MYPN: variants seen among roughly 807,000 people sequenced by gnomAD.
The protein encoded by MYPN is myopalladin.
A neutral mutation model predicts 129.4 loss-of-function variants in MYPN; 63 were observed. The observed-to-expected ratio is 0.49, with a 90% confidence interval of 0.40 to 0.60. The LOEUF is 0.60. Ranked by LOEUF, MYPN falls within the 20% of genes least tolerant of loss-of-function variation. The pLI is 0.00. For missense variants in MYPN, 1,596 were observed against 1,635.4 expected (o/e 0.98, Z 0.42); for synonymous variants, 629 against 600.9 (o/e 1.05, Z -0.68).
At chr10:68,195,365 G>C in intron 14 of MYPN, 85 bp from the exon 15 acceptor site, 5 of 1,229,750 alleles carry the variant, frequency 4.1e-6, no homozygotes, top group Non-Finnish European at 6.0e-6. Context: ...AAAATTTCAC[G>C]GTGTTCTGGT....
intron 10 of MYPN, among the ~76,000 whole-genome samples, chr10:68,173,848 T>TAGAGACGGGGTG (rs199579338): frequency 7.4e-6 from 1 of 135,318 alleles, no homozygotes; most frequent in African/African-American, 2.6e-5. Context: ...TTTTTTTTTG[T>TAGAGACGGGGTG]TAGAGACGGG....
chr10:68,163,549 A>G (rs2134158786), intron 8 of MYPN, among the ~76,000 whole-genome samples: 1 of 152,198 alleles, frequency 6.6e-6, no homozygotes, highest in South Asian at 2.1e-4. Context: ...GAATGGTGTG[A>G]ACCCGGGAGG....
At position 68,199,567 on chromosome 10, in the gene MYPN, C is replaced by G. The variant is rs548754907; in HGVS notation, c.3485C>G (p.Ser1162Cys). The G allele has an allele frequency of 2.5e-6, 4 of 1,601,794 alleles. No individual in the cohort carries two copies. In the African/African-American group the frequency reaches 5.5e-5, roughly 22 times the overall value. The part of the protein sequence containing the change: ...TGQNSFSLEL[S>C]VVAKEVKKAP... ...CAGAATTCTTTTAGTCTGGAGCTCT[C>G]TGTAGTAGGTAAGGTTTGCTGCTGG... The change falls in exon 17 of 20, where the codon TCT becomes TGT. Residue 1162 changes from serine to cysteine, a missense_variant. Ser to Cys is a moderately radical substitution (Grantham distance 112). Transcript: ENST00000358913.
intron 18 of MYPN, among the ~76,000 whole-genome samples, chr10:68,206,536 G>A (rs567318688): frequency 4.9e-4 from 74 of 152,210 alleles, no homozygotes; most frequent in Non-Finnish European, 7.8e-4. Flanking sequence ...GGTGGGGAGC[G>A]CAACTTCAGT....
intron 17 of MYPN, among the ~76,000 whole-genome samples, chr10:68,201,570 C>T (rs2043711215): frequency 7.1e-6 from 1 of 140,408 alleles, no homozygotes; most frequent in African/African-American, 2.7e-5. Context: ...AGTTCGAGAT[C>T]AGCCTGGCCA....
chr10:68,090,017 C>T (rs1179526541), intron 1 of MYPN, among the ~76,000 whole-genome samples: 2 of 152,054 alleles, frequency 1.3e-5, no homozygotes, highest in East Asian at 1.9e-4. Context: ...TCTAGAATAG[C>T]GCCTTGCAGG....
At chr10:68,190,119 A>T (rs1480850641) in intron 13 of MYPN, among the ~76,000 whole-genome samples, 2 of 146,182 alleles carry the variant, frequency 1.4e-5, no homozygotes, top group African/African-American at 2.4e-5. Flanking sequence ...ATTGATTAGT[A>T]ATGTTGAACA....
At chr10:68,199,253 C>T in intron 16 of MYPN, 115 bp from the exon 17 acceptor site, 6 of 995,010 alleles carry the variant, frequency 6.0e-6, no homozygotes, top group Non-Finnish European at 9.4e-6. Flanking sequence ...GGTTTCTCAT[C>T]ACTCCATGTT....
rs2043669986 is a variant in MYPN, at chr10:68,199,415, A to C, written c.3333A>C (p.Gln1111His). ...AGCTGACATGGCTACTCAATGGCCA[A>C]CCTGTGCTACCAGATGCCTCCCACA... is the stretch of plus-strand genomic sequence containing the variant. ...PPELTWLLNG[Q>H]PVLPDASHKM... The change falls in exon 17 of 20, where the codon CAA (glutamine) becomes CAC (histidine). Residue 1111 changes from glutamine to histidine, a missense_variant. Gln to His is a conservative substitution (Grantham distance 24). Coordinates refer to ENST00000358913, the MANE Select transcript of MYPN (RefSeq NM_032578.4). The C allele has an allele frequency of 6.2e-7, 1 of 1,613,984 alleles. No homozygotes were observed. The highest frequency in any genetic ancestry group is 8.5e-7 in the Non-Finnish European group (1 of 1,180,028).
rs777239800 is a variant in MYPN at position 68,199,473 on chromosome 10, C to G, written c.3391C>G (p.Leu1131Val). 1 of 1,614,182 alleles carries G rather than the reference C, an allele frequency of 6.2e-7. No individual in the cohort carries two copies. Among genetic ancestry groups the G allele is most frequent in the South Asian group, 1.1e-5 (1 of 91,084 alleles). Residue 1131 changes from leucine (L) to valine (V), a missense_variant, in exon 17 of 20, where the codon CTG (leucine) becomes GTG (valine). Physicochemically the swap from Leu to Val is conservative, Grantham distance 32. Coordinates refer to ENST00000358913, the MANE Select transcript of MYPN (RefSeq NM_032578.4). ...MLVRETGVHSLLIDPLTQRDA... is the reference protein window; with the variant it reads ...MLVRETGVHSVLIDPLTQRDA... ...GGTCAGGGAGACCGGAGTCCACTCT[C>G]TGCTCATTGACCCACTCACTCAGCG...
At chr10:68,107,392 G>T (rs1215610112), upstream of MYPN, among the ~76,000 whole-genome samples, 1 of 145,804 alleles carries the variant, frequency 6.9e-6, no homozygotes, top group Non-Finnish European at 1.5e-5. Context: ...CCAGTCTGGA[G>T]TGCAATGGCA....
At chr10:68,120,031 C>T (rs2042220043) in intron 1 of MYPN, among the ~76,000 whole-genome samples, 1 of 152,144 alleles carries the variant, frequency 6.6e-6, no homozygotes, top group Non-Finnish European at 1.5e-5. Context: ...GATGTTAAAG[C>T]CAGAAAATAT....
chr10:68,193,888 G>C (rs2043558318), intron 13 of MYPN, among the ~76,000 whole-genome samples: 1 of 145,860 alleles, frequency 6.9e-6, no homozygotes, highest in Non-Finnish European at 1.5e-5. Context: ...GTTAATCCTA[G>C]CCTCATTCCA....
chr10:68,096,839 T>C (rs1488762362), intron 1 of MYPN, among the ~76,000 whole-genome samples: 1 of 152,216 alleles, frequency 6.6e-6, no homozygotes, highest in Non-Finnish European at 1.5e-5. Context: ...TTAACAATAA[T>C]TTGGTTAGTC....
At chr10:68,177,557 C>A (rs1446919504) in intron 12 of MYPN, among the ~76,000 whole-genome samples, 1 of 152,134 alleles carries the variant, frequency 6.6e-6, no homozygotes, top group Admixed American at 6.5e-5. Flanking sequence ...ATTGTTTTAT[C>A]CATTGCTGTC....
Position 68,210,399 on chromosome 10 carries a change from A to G in MYPN, c.3907A>G (p.Ser1303Gly). The G allele has an allele frequency of 6.2e-7, 1 of 1,614,186 alleles. No individual in the cohort carries two copies. Among genetic ancestry groups the G allele is most frequent in the Non-Finnish European group, 8.5e-7 (1 of 1,180,022 alleles). Residue 1303 changes from serine (S) to glycine (G), a missense_variant, in exon 20 of 20, where the codon AGC (serine) becomes GGC (glycine). Transcript: ENST00000358913. ...ATTTTCTGCCTTTTCCTCCATGGAA[A>G]GCACGATGGTGTATTCATGCTCTTC... ...DIFSAFSSME[S>G]TMVYSCSSRS... is the part of the protein sequence containing the mutation.
chr10:68,204,353 C>A (rs1350131997), intron 18 of MYPN, among the ~76,000 whole-genome samples: 1 of 152,196 alleles, frequency 6.6e-6, no homozygotes, highest in Non-Finnish European at 1.5e-5. Context: ...GCAATAGCAC[C>A]CTAATGTGTC....
intron 6 of MYPN, among the ~76,000 whole-genome samples, chr10:68,157,389 G>T (rs1013351590): frequency 6.6e-6 from 1 of 152,084 alleles, no homozygotes; most frequent in South Asian, 2.1e-4. Flanking sequence ...CCAGTTACTT[G>T]GGCCATAGAA....
intron 1 of MYPN, among the ~76,000 whole-genome samples, chr10:68,092,512 A>G (rs1017518145): frequency 2.0e-5 from 3 of 151,788 alleles, no homozygotes; most frequent in Non-Finnish European, 4.4e-5. Flanking sequence ...AAAAAAAAAG[A>G]AATGTATGTT....
Sources: gnomAD v4.1 joint callset for allele counts (sites outside exome capture counted in the v4.1 genomes callset) on GRCh38, gnomAD v4.1.1 for gene constraint, MANE v1.5 for transcripts, NCBI Gene and HGNC (gene_info 2026-07-23, HGNC 2026-07-21) for gene names.